The following PPP3R1 variants were observed in gnomAD, a reference collection of about 807,000 sequenced individuals.
PPP3R1 encodes the protein calcineurin subunit B type 1.
In PPP3R1, 5 loss-of-function variants were observed where a neutral mutation model predicts 22.6. The observed-to-expected ratio is 0.22, with a 90% CI of 0.12 to 0.46. The LOEUF is 0.46. PPP3R1 is among the 20% of genes least tolerant of loss of function. The pLI is 0.99. For synonymous variants in PPP3R1, 56 were observed against 65.2 expected, an observed-to-expected ratio of 0.86 and a Z score of 0.68; for missense variants, 61 against 203.2, an observed-to-expected ratio of 0.30 and a Z score of 4.25.
At chr2:68,201,086 C>T (rs955645679) in intron 2 of PPP3R1, among the ~76,000 whole-genome samples, 8 of 152,060 alleles carry the variant, frequency 5.3e-5, no homozygotes, top group Non-Finnish European at 1.5e-5. Flanking sequence ...AAAGATCTGG[C>T]TCCTAAAGCA....
chr2:68,247,537 G>A (rs1670259966), intron 1 of PPP3R1, among the ~76,000 whole-genome samples: 1 of 152,188 alleles, frequency 6.6e-6, no homozygotes, highest in South Asian at 2.1e-4. Flanking sequence ...TGAAATTGGA[G>A]TCTTGCAACA....
intron 1 of PPP3R1, among the ~76,000 whole-genome samples, chr2:68,229,965 T>TACACAC (rs1157191768): frequency 9.3e-3 from 462 of 49,504 alleles, no homozygotes; most frequent in Non-Finnish European, 0.012. Flanking sequence ...TGTGTATATA[T>TACACAC]ACACACATAC....
intron 1 of PPP3R1, among the ~76,000 whole-genome samples, chr2:68,235,843 T>A (rs1670009399): frequency 6.6e-6 from 1 of 152,224 alleles, no homozygotes; most frequent in African/African-American, 2.4e-5. Context: ...TTTCTCCACA[T>A]CCTTGACAAT....
chr2:68,185,111 CA>C (rs1417704393), intron 5 of PPP3R1, among the ~76,000 whole-genome samples: 1 of 151,354 alleles, frequency 6.6e-6, no homozygotes, highest in Non-Finnish European at 1.5e-5. Context: ...CCCAGCTACT[CA>C]AGAGGCTGAG....
intron 2 of PPP3R1, among the ~76,000 whole-genome samples, chr2:68,214,930 T>C (rs897074242): frequency 3.9e-5 from 6 of 152,142 alleles, no homozygotes; most frequent in African/African-American, 1.4e-4. Flanking sequence ...ATGAGGTACA[T>C]ATACACCATG....
rs756707847 is a variant in PPP3R1 at position 68,187,317 on chromosome 2, GA to G, written c.221-4del. 1 of 1,607,584 alleles carries G rather than the reference GA, an allele frequency of 6.2e-7. No homozygotes were observed. Among genetic ancestry groups the G allele is most frequent in the South Asian group, 1.1e-5 (1 of 89,836 alleles). On this transcript the variant is annotated splice_region_variant and splice_polypyrimidine_tract_variant and intron_variant, in intron 3 of 5. Transcript: ENST00000234310. ...CTGAGAGACGCCCTCAATGAATTCT[GA>G]ATAAGAGTTAAAAATGTTCACAAAT... is the stretch of plus-strand genomic sequence containing the variant.
chr2:68,229,973 T>TACATACACACACACACACAC (rs1553408563), intron 1 of PPP3R1, among the ~76,000 whole-genome samples: 2 of 143,142 alleles, frequency 1.4e-5, no homozygotes, highest in Non-Finnish European at 3.0e-5. Flanking sequence ...TATACACACA[T>TACATACACACACACACACAC]ACACACACAC....
At chr2:68,224,321 G>A (rs886411875) in intron 1 of PPP3R1, among the ~76,000 whole-genome samples, 3 of 152,148 alleles carry the variant, frequency 2.0e-5, no homozygotes, top group Admixed American at 2.0e-4. Flanking sequence ...CAAGGGATCT[G>A]AATGAAAAAC....
chr2:68,198,029 T>C (rs192876354), intron 2 of PPP3R1, among the ~76,000 whole-genome samples: 2 of 129,934 alleles, frequency 1.5e-5, no homozygotes, highest in African/African-American at 5.9e-5. Context: ...AGCTGTTTTG[T>C]TGAAAAGGCT....
intron 2 of PPP3R1, among the ~76,000 whole-genome samples, chr2:68,200,417 A>C (rs182741311): frequency 7.9e-5 from 12 of 152,302 alleles, no homozygotes; most frequent in East Asian, 5.8e-4. Flanking sequence ...GTCACAAAAG[A>C]AGCTGAACAT....
intron 1 of PPP3R1, among the ~76,000 whole-genome samples, chr2:68,240,871 G>A (rs957671986): frequency 1.3e-5 from 2 of 152,308 alleles, no homozygotes; most frequent in South Asian, 4.1e-4. Flanking sequence ...ATATTTGAGA[G>A]AGTCTTGGAC....
intron 1 of PPP3R1, among the ~76,000 whole-genome samples, chr2:68,250,068 TCAG>T (rs1271112447): frequency 1.3e-5 from 2 of 152,036 alleles, no homozygotes; most frequent in Non-Finnish European, 2.9e-5. Context: ...AGTACTGTAT[TCAG>T]CAGACCAAAA....
chr2:68,185,680 T>TCA (rs996945495), intron 5 of PPP3R1, among the ~76,000 whole-genome samples: 5 of 152,118 alleles, frequency 3.3e-5, no homozygotes, highest in South Asian at 4.1e-4. Flanking sequence ...AAATGCCAGT[T>TCA]CACAGTGACC....
At chr2:68,237,174 A>C (rs1309676969) in intron 1 of PPP3R1, among the ~76,000 whole-genome samples, 1 of 152,154 alleles carries the variant, frequency 6.6e-6, no homozygotes, top group African/African-American at 2.4e-5. Context: ...ACATTTCTGA[A>C]TAGTGGGCTG....
chr2:68,188,470 T>G (rs10170016), intron 3 of PPP3R1, 44 bp downstream of exon 3: 1 of 1,417,766 alleles, frequency 7.1e-7, no homozygotes, highest in East Asian at 2.4e-5. Flanking sequence ...AGAATACAAA[T>G]AGGTTAGATA....
chr2:68,187,424 G>T (rs1472827862), intron 3 of PPP3R1, 110 bp from the exon 4 acceptor site: 1 of 896,362 alleles, frequency 1.1e-6, no homozygotes, highest in Non-Finnish European at 1.7e-6. Flanking sequence ...CAAAACAGAA[G>T]TACTACTAGC....
chr2:68,231,796 A>G (rs1196439049), intron 1 of PPP3R1, among the ~76,000 whole-genome samples: 2 of 152,164 alleles, frequency 1.3e-5, no homozygotes, highest in Non-Finnish European at 2.9e-5. Flanking sequence ...GGTACCATCA[A>G]GTTTTACTAA....
At chr2:68,244,110 G>C (rs576276699) in intron 1 of PPP3R1, among the ~76,000 whole-genome samples, 1 of 152,216 alleles carries the variant, frequency 6.6e-6, no homozygotes, top group Admixed American at 6.5e-5. Flanking sequence ...TCTAAAACAT[G>C]TTTCCCCTTC....
intron 1 of PPP3R1, among the ~76,000 whole-genome samples, chr2:68,229,948 A>G (rs1282643646): frequency 1.2e-4 from 17 of 144,668 alleles, no homozygotes; most frequent in African/African-American, 3.1e-4. Flanking sequence ...GTGTGTATAT[A>G]TGTGTGTGTG....
Sources: gnomAD v4.1 joint callset for allele counts (sites outside exome capture counted in the v4.1 genomes callset) on GRCh38, gnomAD v4.1.1 for gene constraint, MANE v1.5 for transcripts, NCBI Gene and HGNC (gene_info 2026-07-23, HGNC 2026-07-21) for gene names.